Variants in PCDH15 observed in about 807,000 individuals in gnomAD.
The protein encoded by PCDH15 is protocadherin-15.
PCDH15 carries 129 observed loss-of-function variants against 178.5 expected under a neutral mutation model. The ratio of observed to expected loss-of-function variants is 0.72; its 90% CI spans 0.63 to 0.84. The LOEUF is 0.84. Ranked by LOEUF, PCDH15 falls within the 40% of genes least tolerant of loss-of-function variation. The probability of loss-of-function intolerance (pLI) is 0.00; values close to 1 mark genes in which losing one functional copy is unlikely to be tolerated. For synonymous variants in PCDH15, 800 were observed against 732.0 expected, an observed-to-expected ratio of 1.09 and a Z score of -1.50; for missense variants, 2,230 against 2,099.9, an observed-to-expected ratio of 1.06 and a Z score of -1.21.
chr10:55,494,239 A>G (rs1840484915), intron 2 of PCDH15, among the ~76,000 whole-genome samples: 1 of 151,794 alleles, frequency 6.6e-6, no homozygotes, highest in Admixed American at 6.6e-5. Flanking sequence ...CTATTATTGA[A>G]TAATTGTTTC....
At chr10:55,072,510 A>C (rs938322227) in intron 2 of PCDH15, among the ~76,000 whole-genome samples, 20 of 152,180 alleles carry the variant, frequency 1.3e-4, no homozygotes, top group African/African-American at 4.6e-4. Context: ...GAAATGGATA[A>C]ATTCCTCGAC....
At chr10:54,422,966 C>A (rs543508127) in intron 3 of PCDH15, among the ~76,000 whole-genome samples, 3 of 152,088 alleles carry the variant, frequency 2.0e-5, no homozygotes, top group Non-Finnish European at 4.4e-5. Flanking sequence ...ACATAAATCT[C>A]ATTTGCCTAA....
intron 3 of PCDH15, among the ~76,000 whole-genome samples, chr10:54,870,711 G>A (rs1954021410): frequency 6.6e-6 from 1 of 151,978 alleles, no homozygotes; most frequent in African/African-American, 2.4e-5. Context: ...GCGTGAACCC[G>A]GGAGGCGGAG....
chr10:54,663,160 A>ATTT, intron 2 of PCDH15, among the ~76,000 whole-genome samples: 1 of 152,034 alleles, frequency 6.6e-6, no homozygotes, highest in South Asian at 2.1e-4. Context: ...CAACTTGAAC[A>ATTT]TTGTTTGTGA....
chr10:54,492,715 C>T (rs1472303694), intron 3 of PCDH15, among the ~76,000 whole-genome samples: 1 of 152,114 alleles, frequency 6.6e-6, no homozygotes, highest in East Asian at 1.9e-4. Context: ...AGACAGACTA[C>T]ATTCACATAA....
chr10:54,951,858 G>T (rs1201187593), intron 2 of PCDH15, among the ~76,000 whole-genome samples: 1 of 151,754 alleles, frequency 6.6e-6, no homozygotes, highest in Non-Finnish European at 1.5e-5. Context: ...TTGGTAAAGG[G>T]TTGGTCAGAT....
intron 3 of PCDH15, among the ~76,000 whole-genome samples, chr10:54,510,193 G>A (rs550097561): frequency 2.0e-4 from 30 of 152,218 alleles, no homozygotes; most frequent in African/African-American, 7.2e-4. Context: ...TTGTCTTTAT[G>A]CAGAGCCCTA....
rs771831842 is a variant in PCDH15 at position 53,822,332 on chromosome 10, A to C, written c.4368-2102T>G. On this transcript the variant is annotated intron_variant, in intron 32 of 37. Transcript: ENST00000644397. The stretch of plus-strand genomic sequence containing the variant: ...TTGGGGGACCAGACGTTGAAACGGA[A>C]AGTGGAAAAAATGTAGGAGGAGGAA... 1.9e-6 allele frequency: 3 copies of C among 1,596,294 alleles called. No homozygotes were observed. The highest frequency in any genetic ancestry group is 2.7e-5 in the African/African-American group (2 of 74,284).
chr10:55,549,571 GATAAATGAGGTGGGCTAA>G (rs1335226142), intron 2 of PCDH15, among the ~76,000 whole-genome samples: 1 of 152,110 alleles, frequency 6.6e-6, no homozygotes, highest in Non-Finnish European at 1.5e-5. Flanking sequence ...AACAAAGAGT[GATAAATGAGGTGGGCTAA>G]AAGTAGAAGT....
chr10:55,028,413 C>T (rs1840528568), intron 2 of PCDH15, among the ~76,000 whole-genome samples: 1 of 151,852 alleles, frequency 6.6e-6, no homozygotes, highest in South Asian at 2.1e-4. Context: ...TAAAATCAAA[C>T]AGACAAAATG....
chr10:55,575,425 T>A (rs1842478306), intron 2 of PCDH15, among the ~76,000 whole-genome samples: 1 of 152,172 alleles, frequency 6.6e-6, no homozygotes, highest in Admixed American at 6.5e-5. Context: ...AAAAGTCTAT[T>A]TTCCAATGTT....
intron 19 of PCDH15, among the ~76,000 whole-genome samples, chr10:54,022,202 A>G (rs1359239234): frequency 6.6e-6 from 1 of 151,962 alleles, no homozygotes; most frequent in Non-Finnish European, 1.5e-5. Context: ...AGATTTATGG[A>G]TCAGCCTAAT....
rs1837981456 is a variant in PCDH15, at chr10:55,398,427, G to GA, written c.-156+229197dup. ...CAGTTACCCATGATAAATGGAATAT[G>GA]AAAAGTATTAAGTTCTATGAGGATG... On this transcript the variant is annotated intron_variant, in intron 2 of 5. Coordinates refer to the PCDH15 transcript ENST00000613346. 2.6e-5 allele frequency among the ~76,000 whole-genome samples: 4 copies of GA among 152,244 alleles called. No individual in the cohort carries two copies. In the South Asian group the frequency reaches 8.3e-4, roughly 32 times the overall value.
intron 10 of PCDH15, among the ~76,000 whole-genome samples, chr10:54,197,956 T>C (rs916608262): frequency 3.3e-5 from 5 of 152,224 alleles, no homozygotes; most frequent in Non-Finnish European, 4.4e-5. Flanking sequence ...TTAGATAATA[T>C]GCTAGATTTT....
At chr10:54,592,782 T>C (rs902881349) in intron 2 of PCDH15, among the ~76,000 whole-genome samples, 10 of 152,348 alleles carry the variant, frequency 6.6e-5, no homozygotes, top group African/African-American at 2.4e-4. Flanking sequence ...TTTTCCATAA[T>C]GGCCACACCA....
At chr10:54,887,519 C>A (rs1954380103) in intron 3 of PCDH15, among the ~76,000 whole-genome samples, 1 of 150,986 alleles carries the variant, frequency 6.6e-6, no homozygotes, top group African/African-American at 2.4e-5. Context: ...ATCATTTTAA[C>A]AATATAGGAA....
At chr10:54,589,835 A>G (rs781026706) in intron 2 of PCDH15, among the ~76,000 whole-genome samples, 7 of 152,042 alleles carry the variant, frequency 4.6e-5, no homozygotes, top group Non-Finnish European at 8.8e-5. Flanking sequence ...TGACCTTGTG[A>G]TCTGCCTGCC....
At chr10:54,471,092 C>A (rs1289831626) in intron 3 of PCDH15, among the ~76,000 whole-genome samples, 4 of 152,070 alleles carry the variant, frequency 2.6e-5, no homozygotes, top group African/African-American at 9.7e-5. Flanking sequence ...AACATATAAT[C>A]ATTCTGTATG....
At chr10:54,115,969 G>A (rs1443542036) in intron 15 of PCDH15, among the ~76,000 whole-genome samples, 1 of 152,124 alleles carries the variant, frequency 6.6e-6, no homozygotes, top group African/African-American at 2.4e-5. Flanking sequence ...AATCTTTGGA[G>A]TGAATGGAAA....
Sources: allele counts gnomAD v4.1 joint callset (sites outside exome capture counted in the v4.1 genomes callset), GRCh38; gene constraint gnomAD v4.1.1; transcripts MANE v1.5; gene names NCBI Gene and HGNC (gene_info 2026-07-23, HGNC 2026-07-21).